DUSP22: variants seen among roughly 807,000 people sequenced by gnomAD.
DUSP22 encodes dual specificity phosphatase 22.
DUSP22 carries 24 observed loss-of-function variants against 24.5 expected under a neutral mutation model. The ratio of observed to expected loss-of-function variants is 0.98; its 90% CI spans 0.71 to 1.38. The LOEUF (loss-of-function observed/expected upper bound fraction) is 1.38, where lower values mean the gene tolerates loss of function less well. Among genes scored for constraint, DUSP22 ranks in the 40% most tolerant of loss-of-function variants. The probability of loss-of-function intolerance (pLI) is 0.00; values close to 1 mark genes in which losing one functional copy is unlikely to be tolerated. For missense variants in DUSP22, 330 were observed against 269.2 expected, an observed-to-expected ratio of 1.23 and a Z score of -1.58; for synonymous variants, 160 against 106.4, an observed-to-expected ratio of 1.50 and a Z score of -3.10.
At chr6:319,899 A>G (rs1758514048) in intron 3 of DUSP22, 1 of 152,380 alleles carries the variant, frequency 6.6e-6, no homozygotes, top group South Asian at 2.1e-4. Flanking sequence ...CCAGATTTAA[A>G]TAGATATGAC....
intron 1 of DUSP22, among the ~76,000 whole-genome samples, chr6:299,794 A>G (rs1757500920): frequency 6.6e-6 from 1 of 152,300 alleles, no homozygotes; most frequent in African/African-American, 2.4e-5. Context: ...CACTAGGCCC[A>G]TGCCACAGGT....
chr6:308,600 C>T (rs1038125694), intron 2 of DUSP22, among the ~76,000 whole-genome samples: 1 of 152,298 alleles, frequency 6.6e-6, no homozygotes, highest in African/African-American at 2.4e-5. Context: ...AAGTGGTCTT[C>T]TCTATTCAGA....
chr6:292,799 T>G (rs1171779114), intron 1 of DUSP22, among the ~76,000 whole-genome samples: 1 of 152,054 alleles, frequency 6.6e-6, no homozygotes, highest in African/African-American at 2.4e-5. Flanking sequence ...TGCCAGCCGG[T>G]GCGTTTTCGT....
chr6:308,346 AG>A (rs1372432939), intron 2 of DUSP22, among the ~76,000 whole-genome samples: 1 of 152,304 alleles, frequency 6.6e-6, no homozygotes, highest in Admixed American at 6.5e-5. Context: ...TCATGATTGT[AG>A]GTCGCCTTCC....
In DUSP22 at chr6:351,116, C is replaced by T. The variant is rs924071154; in HGVS notation, c.*2165C>T. 40 of 613,004 alleles carry T rather than the reference C, an allele frequency of 6.5e-5. No individual in the cohort carries two copies. The highest frequency in any genetic ancestry group is 7.9e-5 in the Non-Finnish European group (29 of 368,418). The allele number at this position is 613,004 out of a possible 1,614,324, so 38.0% of individuals were successfully genotyped here. ...CTCGCTTGGATGCCTGTAAGGATCC[C>T]GGGAGCCTTGCCGCACTGCCTTGTG... is the stretch of plus-strand genomic sequence containing the variant. On this transcript the variant is annotated 3_prime_UTR_variant, in exon 7 of 7. Transcript: ENST00000419235.
intron 4 of DUSP22, among the ~76,000 whole-genome samples, chr6:340,669 G>A (rs572969580): frequency 1.7e-3 from 260 of 152,318 alleles, no homozygotes; most frequent in African/African-American, 6.0e-3. Context: ...TTTGCAGGAA[G>A]GAGGAGCACC....
intron 5 of DUSP22, among the ~76,000 whole-genome samples, chr6:347,209 A>T (rs1228962470): frequency 6.6e-6 from 1 of 152,310 alleles, no homozygotes; most frequent in Non-Finnish European, 1.5e-5. Context: ...GTCTTTTAAG[A>T]TCTCTCCTGG....
At chr6:318,510 C>T (rs1371267104) in intron 3 of DUSP22, among the ~76,000 whole-genome samples, 5 of 152,256 alleles carry the variant, frequency 3.3e-5, no homozygotes, top group African/African-American at 7.2e-5. Context: ...CCCTAGGTGA[C>T]CACAGCAGGC....
rs761569030 is a variant in DUSP22, at chr6:348,848, A to G, written c.515A>G (p.Tyr172Cys). 4.3e-6 allele frequency: 7 copies of G among 1,614,312 alleles called. No individual in the cohort carries two copies. The highest frequency in any genetic ancestry group is 5.9e-6 in the Non-Finnish European group (7 of 1,180,060). The change falls in exon 7 of 7, where the codon TAT becomes TGT. Residue 172 changes from tyrosine to cysteine, a missense_variant. Transcript: ENST00000419235. ...GAAGCCAAAAACATTCTGGGTAAAT[A>G]TAAGGAGCAAGGGCGCACAGAGCCC... is the stretch of plus-strand genomic sequence containing the variant. ...AEEAKNILGK[Y>C]KEQGRTEPQP...
chr6:320,665 G>A (rs1230333460), intron 3 of DUSP22, among the ~76,000 whole-genome samples: 3 of 152,428 alleles, frequency 2.0e-5, no homozygotes, highest in South Asian at 2.1e-4. Context: ...TAAAGAGAGG[G>A]GTGTTGAGGC....
chr6:310,381 G>A (rs1319475404), intron 2 of DUSP22, among the ~76,000 whole-genome samples: 3 of 152,304 alleles, frequency 2.0e-5, no homozygotes, highest in Admixed American at 1.3e-4. Flanking sequence ...TTGTAGATTA[G>A]TAGAAGGGTT....
At chr6:303,683 G>A (rs972031605) in intron 1 of DUSP22, among the ~76,000 whole-genome samples, 1 of 152,308 alleles carries the variant, frequency 6.6e-6, no homozygotes, top group African/African-American at 2.4e-5. Flanking sequence ...AAGTGATATC[G>A]TGAGCATACT....
chr6:309,907 TCCAGAA>T (rs1225944409), intron 2 of DUSP22, among the ~76,000 whole-genome samples: 1 of 152,302 alleles, frequency 6.6e-6, no homozygotes, highest in Non-Finnish European at 1.5e-5. Flanking sequence ...TGAAATAGTC[TCCAGAA>T]CCATGATAAT....
intron 3 of DUSP22, among the ~76,000 whole-genome samples, chr6:326,726 C>T (rs1376790164): frequency 6.6e-6 from 1 of 152,306 alleles, no homozygotes; most frequent in Non-Finnish European, 1.5e-5. Context: ...GTATTTTTCA[C>T]ATGTCACATT....
At chr6:317,780 C>G (rs1400696226) in intron 3 of DUSP22, among the ~76,000 whole-genome samples, 1 of 152,308 alleles carries the variant, frequency 6.6e-6, no homozygotes, top group Non-Finnish European at 1.5e-5. Context: ...ATCCAGCACG[C>G]AGGGGCCCCT....
intron 1 of DUSP22, among the ~76,000 whole-genome samples, chr6:301,351 G>T (rs933738334): frequency 6.6e-6 from 1 of 152,312 alleles, no homozygotes; most frequent in Non-Finnish European, 1.5e-5. Context: ...CCAGTAAGGG[G>T]TATTGGGAGA....
intron 3 of DUSP22, among the ~76,000 whole-genome samples, chr6:322,764 A>ATGG (rs1413979139): frequency 7.0e-6 from 1 of 141,972 alleles, no homozygotes; most frequent in Middle Eastern, 3.7e-3. Context: ...CTTAAGCATC[A>ATGG]TGGTGGTGGT....
At chr6:317,860 C>G (rs1388052337) in intron 3 of DUSP22, among the ~76,000 whole-genome samples, 1 of 152,286 alleles carries the variant, frequency 6.6e-6, no homozygotes, top group African/African-American at 2.4e-5. Flanking sequence ...GAAATCATGT[C>G]TTATCACGCA....
intron 3 of DUSP22, among the ~76,000 whole-genome samples, chr6:328,470 G>A (rs576030796): frequency 5.2e-3 from 795 of 152,132 alleles, no homozygotes; most frequent in Non-Finnish European, 8.6e-3. Context: ...AATGCATGTC[G>A]GTTTTTGACT....
Sources: gnomAD v4.1 joint callset for allele counts (sites outside exome capture counted in the v4.1 genomes callset) on GRCh38, gnomAD v4.1.1 for gene constraint, MANE v1.5 for transcripts, NCBI Gene and HGNC (gene_info 2026-07-23, HGNC 2026-07-21) for gene names.